The following EXOC4 variants were observed in gnomAD, a reference collection of about 807,000 sequenced individuals.
EXOC4 encodes SEC8-like 1.
In EXOC4, 71 loss-of-function variants were observed where a neutral mutation model predicts 107.2. That is an observed-to-expected ratio of 0.66 (90% CI 0.55 to 0.81). The LOEUF is 0.81. EXOC4 is among the 30% of genes least tolerant of loss of function. The probability of loss-of-function intolerance (pLI) is 0.00; values close to 1 mark genes in which losing one functional copy is unlikely to be tolerated. For missense variants in EXOC4, 1,108 were observed against 1,189.6 expected, an observed-to-expected ratio of 0.93 and a Z score of 1.01; for synonymous variants, 456 against 441.2, an observed-to-expected ratio of 1.03 and a Z score of -0.42.
intron 6 of EXOC4, among the ~76,000 whole-genome samples, chr7:133,374,467 A>C (rs1796443180): frequency 6.6e-6 from 1 of 152,232 alleles, no homozygotes; most frequent in South Asian, 2.1e-4. Context: ...AAAAAATTAC[A>C]TGAATTCCTT....
At chr7:133,274,719 C>T (rs1793948249) in intron 1 of EXOC4, among the ~76,000 whole-genome samples, 1 of 152,174 alleles carries the variant, frequency 6.6e-6, no homozygotes, top group Middle Eastern at 3.2e-3. Context: ...TCATGCCTGC[C>T]TGCTGTCTGA....
chr7:133,634,272 C>A (rs1009990760), intron 10 of EXOC4, among the ~76,000 whole-genome samples: 2 of 152,124 alleles, frequency 1.3e-5, no homozygotes, highest in Admixed American at 6.5e-5. Flanking sequence ...CTAATTTGTT[C>A]ATTCCCCATT....
chr7:133,298,082 A>G (rs765220507), intron 3 of EXOC4, among the ~76,000 whole-genome samples: 6 of 152,190 alleles, frequency 3.9e-5, no homozygotes, highest in Non-Finnish European at 8.8e-5. Context: ...TGGTCTGAGA[A>G]TGCTAATGAG....
At chr7:133,964,320 G>GT (rs569590073) in intron 14 of EXOC4, among the ~76,000 whole-genome samples, 138 of 149,486 alleles carry the variant, frequency 9.2e-4, no homozygotes, top group South Asian at 2.8e-3. Flanking sequence ...TTTCTCTTGA[G>GT]TTTTTTTTTT....
chr7:133,687,706 G>A (rs537763277), intron 10 of EXOC4, among the ~76,000 whole-genome samples: 1 of 152,258 alleles, frequency 6.6e-6, no homozygotes, highest in South Asian at 2.1e-4. Flanking sequence ...TGCACAGTGA[G>A]CAGCAGGACC....
chr7:133,714,482 T>C (rs1794959871), intron 10 of EXOC4, among the ~76,000 whole-genome samples: 1 of 152,228 alleles, frequency 6.6e-6, no homozygotes, highest in African/African-American at 2.4e-5. Context: ...TCTTTAGAAC[T>C]CAAATCTAGC....
chr7:133,668,730 A>AT (rs1368797485), intron 10 of EXOC4, among the ~76,000 whole-genome samples: 1 of 152,180 alleles, frequency 6.6e-6, no homozygotes, highest in Non-Finnish European at 1.5e-5. Flanking sequence ...GTTAAAGCTT[A>AT]TTTAGTCCAC....
intron 10 of EXOC4, among the ~76,000 whole-genome samples, chr7:133,729,720 T>C (rs1795286475): frequency 6.6e-6 from 1 of 152,126 alleles, no homozygotes; most frequent in Non-Finnish European, 1.5e-5. Flanking sequence ...ATTTTTCTTT[T>C]AGAGTATTTT....
intron 7 of EXOC4, among the ~76,000 whole-genome samples, chr7:133,399,707 T>C (rs1393066078): frequency 6.6e-6 from 1 of 152,232 alleles, no homozygotes; most frequent in Non-Finnish European, 1.5e-5. Context: ...TCAGAAATGC[T>C]TCACATGGAG....
intron 9 of EXOC4, among the ~76,000 whole-genome samples, chr7:133,523,816 G>A (rs2150913124): frequency 6.6e-6 from 1 of 152,214 alleles, no homozygotes; most frequent in South Asian, 2.1e-4. Context: ...GTGTATATGT[G>A]ACACATTTTC....
downstream of EXOC4, among the ~76,000 whole-genome samples, chr7:134,069,050 G>T (rs1174488604): frequency 2.0e-5 from 3 of 151,882 alleles, no homozygotes; most frequent in African/African-American, 7.3e-5. Context: ...TTCCCCTCTC[G>T]ATTCTCTGTG....
At chr7:133,481,540 TC>T (rs1799157927) in intron 9 of EXOC4, among the ~76,000 whole-genome samples, 1 of 152,202 alleles carries the variant, frequency 6.6e-6, no homozygotes, top group Non-Finnish European at 1.5e-5. Context: ...GCCTTGTCAT[TC>T]CTAACTTCAC....
In EXOC4 at chr7:133,683,440, T is replaced by C. The variant is rs571706165; in HGVS notation, c.1514+53299T>C. 2.6e-5 allele frequency among the ~76,000 whole-genome samples: 4 copies of C among 152,308 alleles called. No homozygotes were observed. The East Asian group carries it at 7.7e-4, about 29-fold the overall frequency. ...TCAGAATCTAACATATATATTAAAC[T>C]GTCAAGACACTGGCAGTAGGAGAAT... is the stretch of plus-strand genomic sequence containing the variant. On this transcript the variant is annotated intron_variant, in intron 10 of 17. Coordinates refer to ENST00000253861, the MANE Select transcript of EXOC4 (RefSeq NM_021807.4).
Position 134,058,478 on chromosome 7 carries a change from G to A in EXOC4, c.2688-5813G>A, listed in dbSNP as rs565087557. On this transcript the variant is annotated intron_variant, in intron 17 of 17. Transcript: ENST00000253861. ...GGCAAAAAGGGAAGAAATAAAAAGA[G>A]GTGACAAAATGAAAAAGCCAAAAAC... is the stretch of plus-strand genomic sequence containing the variant. Among the ~76,000 whole-genome samples the A allele has an allele frequency of 3.3e-5, 5 of 152,252 alleles. No homozygotes were observed. In the South Asian group the frequency reaches 6.2e-4, roughly 19 times the overall value.
In EXOC4 at chr7:133,404,044, T is replaced by C. The variant is rs1797153358; in HGVS notation, c.1182+29042T>C. On this transcript the variant is annotated intron_variant, in intron 7 of 17. Coordinates refer to ENST00000253861, the MANE Select transcript of EXOC4 (RefSeq NM_021807.4). ...CTGATCTTCTGGCCCTATTCTGATA[T>C]ATTCTCCATAGTGCAGCTGGGATCA... Among the ~76,000 whole-genome samples the C allele has an allele frequency of 3.3e-5, 5 of 152,302 alleles. No individual in the cohort carries two copies. In the South Asian group the frequency reaches 1.0e-3, roughly 32 times the overall value.
At chr7:133,691,003 G>A (rs1288138669) in intron 10 of EXOC4, among the ~76,000 whole-genome samples, 1 of 152,116 alleles carries the variant, frequency 6.6e-6, no homozygotes, top group East Asian at 1.9e-4. Context: ...GGAAATTTCT[G>A]CCCTGCTTTT....
At chr7:133,411,005 C>G (rs1268878590) in intron 7 of EXOC4, among the ~76,000 whole-genome samples, 2 of 152,098 alleles carry the variant, frequency 1.3e-5, no homozygotes, top group Admixed American at 1.3e-4. Flanking sequence ...AAGTCAACCT[C>G]TCTGATCTTA....
chr7:133,505,591 C>A (rs545918281), intron 9 of EXOC4, among the ~76,000 whole-genome samples: 1 of 151,946 alleles, frequency 6.6e-6, no homozygotes, highest in Non-Finnish European at 1.5e-5. Flanking sequence ...ATTATATGAA[C>A]CTTCTGTGAG....
At chr7:133,478,317 A>G (rs1250015662) in intron 8 of EXOC4, among the ~76,000 whole-genome samples, 2 of 151,998 alleles carry the variant, frequency 1.3e-5, no homozygotes, top group Non-Finnish European at 2.9e-5. Flanking sequence ...ATTGGGAAAA[A>G]AAAAAAAAGA....
Sources: allele counts gnomAD v4.1 joint callset (sites outside exome capture counted in the v4.1 genomes callset), GRCh38; gene constraint gnomAD v4.1.1; transcripts MANE v1.5; gene names NCBI Gene and HGNC (gene_info 2026-07-23, HGNC 2026-07-21).